Variants in DPP10 observed in about 807,000 individuals in gnomAD.
The protein encoded by DPP10 is dipeptidyl peptidase like 10, also known as inactive dipeptidyl peptidase 10.
In DPP10, 33 loss-of-function variants were observed where a neutral mutation model predicts 120.9. The ratio of observed to expected loss-of-function variants is 0.27; its 90% CI spans 0.21 to 0.37. The LOEUF is 0.37. Ranked by LOEUF, DPP10 falls within the 10% of genes least tolerant of loss-of-function variation. The pLI is 1.00. For missense variants in DPP10, 816 were observed against 942.8 expected (o/e 0.87, Z 1.76); for synonymous variants, 337 against 326.1 (o/e 1.03, Z -0.36).
chr2:114,818,035 G>A (rs1044091666), intron 1 of DPP10, among the ~76,000 whole-genome samples: 10 of 152,012 alleles, frequency 6.6e-5, no homozygotes, highest in East Asian at 3.9e-4. Flanking sequence ...GAAACATTCC[G>A]AACTAAGGAT....
chr2:114,712,630 A>G (rs1460062941), intron 1 of DPP10, among the ~76,000 whole-genome samples: 1 of 152,176 alleles, frequency 6.6e-6, no homozygotes. Context: ...CAAAATTGTA[A>G]AATGTATCCA....
chr2:115,668,227 G>A lies in DPP10; in HGVS notation c.442-21460G>A, dbSNP rs1018214905. On this transcript the variant is annotated intron_variant, in intron 5 of 25. Transcript: ENST00000410059. ...TGAGTGCTATGGTTTGAATGTTCCC[G>A]CCAACATTGATGTTGAAATTTAATT... Among the ~76,000 whole-genome samples the A allele has an allele frequency of 7.2e-5, 11 of 151,788 alleles. No individual in the cohort carries two copies. In the South Asian group the frequency reaches 1.5e-3, roughly 20 times the overall value.
At chr2:115,162,635 A>C (rs540615123) in intron 1 of DPP10, among the ~76,000 whole-genome samples, 3 of 152,026 alleles carry the variant, frequency 2.0e-5, no homozygotes, top group Non-Finnish European at 4.4e-5. Flanking sequence ...ATTAACGATT[A>C]AGTGGAGCCG....
chr2:115,639,439 A>G (rs2086600612), intron 5 of DPP10, among the ~76,000 whole-genome samples: 1 of 152,328 alleles, frequency 6.6e-6, no homozygotes, highest in East Asian at 1.9e-4. Flanking sequence ...CTAGGAAGAC[A>G]GTGGCAAACA....
chr2:115,443,051 A>G (rs1036710682), intron 3 of DPP10, among the ~76,000 whole-genome samples: 6 of 152,174 alleles, frequency 3.9e-5, no homozygotes, highest in African/African-American at 4.8e-5. Flanking sequence ...TTTATTTTAC[A>G]TTGATGCTAA....
chr2:115,649,095 T>G (rs2087530716), intron 5 of DPP10, among the ~76,000 whole-genome samples: 1 of 152,102 alleles, frequency 6.6e-6, no homozygotes, highest in Non-Finnish European at 1.5e-5. Flanking sequence ...AAATTCATGC[T>G]TCTAGGGAAA....
chr2:114,511,140 G>A (rs968850801), intron 1 of DPP10, among the ~76,000 whole-genome samples: 4 of 152,088 alleles, frequency 2.6e-5, no homozygotes, highest in African/African-American at 9.7e-5. Context: ...TATCAACATA[G>A]GTATATAGGT....
intron 3 of DPP10, among the ~76,000 whole-genome samples, chr2:115,384,468 GGAAGAAGAAGGAA>G (rs747394373): frequency 1.4e-4 from 20 of 146,734 alleles, no homozygotes; most frequent in Non-Finnish European, 2.2e-4. Flanking sequence ...GGAAGAAGAA[GGAAGAAGAAGGAA>G]GAAGAAGAAG....
intron 1 of DPP10, among the ~76,000 whole-genome samples, chr2:114,821,990 A>G (rs531236684): frequency 6.6e-6 from 1 of 152,188 alleles, no homozygotes; most frequent in South Asian, 2.1e-4. Flanking sequence ...TGAATCTACA[A>G]TTCTGGGGTC....
At chr2:114,765,863 C>T (rs1680663417) in intron 1 of DPP10, among the ~76,000 whole-genome samples, 2 of 151,990 alleles carry the variant, frequency 1.3e-5, no homozygotes. Flanking sequence ...TCAGTAACAA[C>T]CTCTGGCTCC....
chr2:114,444,760 G>T (rs889056103), intron 1 of DPP10, among the ~76,000 whole-genome samples: 2 of 151,992 alleles, frequency 1.3e-5, no homozygotes, highest in African/African-American at 4.8e-5. Context: ...CAAAGCTCTG[G>T]GTAATTTGGT....
At chr2:115,404,390 T>C (rs1012166370) in intron 3 of DPP10, among the ~76,000 whole-genome samples, 2 of 152,094 alleles carry the variant, frequency 1.3e-5, no homozygotes, top group Non-Finnish European at 2.9e-5. Flanking sequence ...AGGCCCCATC[T>C]CCAACACTGG....
chr2:115,524,931 C>T (rs1038213296), intron 4 of DPP10, among the ~76,000 whole-genome samples: 1 of 152,010 alleles, frequency 6.6e-6, no homozygotes, highest in Non-Finnish European at 1.5e-5. Context: ...GTCTGAATTT[C>T]TTATCCTATC....
chr2:114,767,207 C>CAAAAAAAAAAAAAAAAAAAAAAAGA (rs1680804283), intron 1 of DPP10, among the ~76,000 whole-genome samples: 1 of 33,062 alleles, frequency 3.0e-5, no homozygotes, highest in African/African-American at 1.2e-4. Flanking sequence ...AGGATAAAAG[C>CAAAAAAAAAAAAAAAAAAAAAAAGA]AAAAAAAAAA....
intron 1 of DPP10, among the ~76,000 whole-genome samples, chr2:115,248,019 G>A (rs2058608101): frequency 6.6e-6 from 1 of 152,026 alleles, no homozygotes; most frequent in Non-Finnish European, 1.5e-5. Context: ...CAGTTCAGGG[G>A]ATTGCAGTGA....
At chr2:115,266,648 A>G (rs2059474291) in intron 1 of DPP10, among the ~76,000 whole-genome samples, 2 of 152,170 alleles carry the variant, frequency 1.3e-5, no homozygotes, top group South Asian at 4.1e-4. Context: ...CAGAATGGTT[A>G]CTGTCCACAG....
chr2:115,706,219 A>G (rs1416443626), intron 7 of DPP10, among the ~76,000 whole-genome samples: 1 of 151,962 alleles, frequency 6.6e-6, no homozygotes, highest in Non-Finnish European at 1.5e-5. Flanking sequence ...ATTGCTGTGT[A>G]AAAATCACCT....
chr2:115,305,962 C>G (rs949557437), intron 1 of DPP10, among the ~76,000 whole-genome samples: 6 of 151,916 alleles, frequency 3.9e-5, no homozygotes, highest in Non-Finnish European at 7.4e-5. Context: ...TGAGGGAGAA[C>G]ATTCCAAACA....
intron 1 of DPP10, among the ~76,000 whole-genome samples, chr2:115,246,090 G>A (rs2058520969): frequency 6.6e-6 from 1 of 151,998 alleles, no homozygotes; most frequent in Non-Finnish European, 1.5e-5. Flanking sequence ...TTTTGAAATA[G>A]AGTGATCTAA....
Sources: gnomAD v4.1 joint callset for allele counts (sites outside exome capture counted in the v4.1 genomes callset) on GRCh38, gnomAD v4.1.1 for gene constraint, MANE v1.5 for transcripts, NCBI Gene and HGNC (gene_info 2026-07-23, HGNC 2026-07-21) for gene names.